RPS6KA3: variants seen among roughly 807,000 people sequenced by gnomAD.
RPS6KA3 encodes ribosomal protein S6 kinase A3, also known as ribosomal protein S6 kinase alpha-3.
In RPS6KA3, 4 loss-of-function variants were observed where a neutral mutation model predicts 67.2. That is an observed-to-expected ratio of 0.06 (90% confidence interval 0.03 to 0.14). RPS6KA3 has a LOEUF of 0.14. RPS6KA3 is among the 10% of genes least tolerant of loss of function. RPS6KA3 has a pLI of 1.00. For synonymous variants in RPS6KA3, 182 were observed against 183.7 expected, an observed-to-expected ratio of 0.99 and a Z score of 0.07; for missense variants, 204 against 559.0, an observed-to-expected ratio of 0.36 and a Z score of 6.40.
intron 2 of RPS6KA3, 125 bp from the exon 3 acceptor site, chrX:20,209,529 T>C (rs2068656705): frequency 2.1e-6 from 1 of 470,862 alleles, no homozygotes. Context: ...TTTCTAAACA[T>C]ATTAGAAATC....
chrX:20,254,626 T>C (rs922247337), intron 1 of RPS6KA3, among the ~76,000 whole-genome samples: 4 of 112,277 alleles, frequency 3.6e-5, no homozygotes, highest in African/African-American at 1.3e-4. Context: ...GAAATACATA[T>C]ACAAGGAACT....
intron 2 of RPS6KA3, among the ~76,000 whole-genome samples, chrX:20,233,462 G>T (rs1002671746): frequency 3.6e-5 from 4 of 111,215 alleles, no homozygotes; most frequent in African/African-American, 6.6e-5. Context: ...GATCTGGCTG[G>T]GCATGGCGGC....
At chrX:20,197,704 A>T (rs1336556240) in intron 4 of RPS6KA3, among the ~76,000 whole-genome samples, 1 of 111,868 alleles carries the variant, frequency 8.9e-6, no homozygotes, top group African/African-American at 3.2e-5. Flanking sequence ...TCATAATTCT[A>T]ATCTCGTTTC....
At chrX:20,188,407 AT>A in intron 8 of RPS6KA3, 89 bp downstream of exon 8, 2 of 525,352 alleles carry the variant, frequency 3.8e-6, no homozygotes, top group Middle Eastern at 1.1e-3. Flanking sequence ...AATACAGTGT[AT>A]TACTCAATAT....
At chrX:20,197,803 G>A (rs1224719095) in intron 4 of RPS6KA3, among the ~76,000 whole-genome samples, 1 of 111,728 alleles carries the variant, frequency 9.0e-6, no homozygotes, top group Non-Finnish European at 1.9e-5. Flanking sequence ...AAGAAGGCAT[G>A]TTTTATATAG....
intron 7 of RPS6KA3, among the ~76,000 whole-genome samples, chrX:20,189,059 T>C (rs750340046): frequency 2.7e-5 from 3 of 112,220 alleles, no homozygotes; most frequent in Non-Finnish European, 5.6e-5. Flanking sequence ...CTCCCTAAGG[T>C]GTGAGCCACT....
intron 17 of RPS6KA3, among the ~76,000 whole-genome samples, chrX:20,167,021 T>C (rs1391906323): frequency 1.8e-5 from 2 of 110,925 alleles, no homozygotes; most frequent in African/African-American, 6.5e-5. Context: ...CCCGGCCGCC[T>C]TGTTTTAAAA....
intron 7 of RPS6KA3, among the ~76,000 whole-genome samples, chrX:20,190,214 T>C (rs1278506714): frequency 1.8e-5 from 2 of 111,983 alleles, no homozygotes; most frequent in African/African-American, 3.2e-5. Flanking sequence ...TCACTCTCAA[T>C]AAACAACATT....
intron 4 of RPS6KA3, among the ~76,000 whole-genome samples, chrX:20,198,723 G>A (rs1279283334): frequency 8.9e-6 from 1 of 112,088 alleles, no homozygotes. Context: ...TTGCAAAGTT[G>A]AGACCTTATA....
chrX:20,159,018 C>G (rs1340631794), intron 20 of RPS6KA3, among the ~76,000 whole-genome samples: 2 of 112,369 alleles, frequency 1.8e-5, no homozygotes, highest in East Asian at 5.5e-4. Flanking sequence ...AAAACTACTT[C>G]TTTTGTATTC....
chrX:20,191,013 C>T (rs1413185605), intron 7 of RPS6KA3, among the ~76,000 whole-genome samples: 1 of 110,656 alleles, frequency 9.0e-6, no homozygotes, highest in Non-Finnish European at 1.9e-5. Context: ...AATGCTATCC[C>T]TCCCCTAGCC....
At chrX:20,241,202 T>C (rs2069541922) in intron 1 of RPS6KA3, among the ~76,000 whole-genome samples, 1 of 109,872 alleles carries the variant, frequency 9.1e-6, no homozygotes, top group African/African-American at 3.3e-5. Flanking sequence ...CTTTTTTTTT[T>C]CCTGGTCCTG....
At position 20,209,809 on chromosome X, in the gene RPS6KA3, G is replaced by C. The variant is rs559781248; in HGVS notation, c.127-405C>G. On this transcript the variant is annotated intron_variant, in intron 2 of 21. Transcript: ENST00000379565. ...ATAATCTGCTGTGCTCTGGTGTATG[G>C]TTATGCTACGCAGAACTAATGCTAT... 1.4e-4 allele frequency among the ~76,000 whole-genome samples: 16 copies of C among 112,187 alleles called. No homozygotes were observed. The South Asian group carries it at 5.5e-3, about 39-fold the overall frequency.
intron 2 of RPS6KA3, among the ~76,000 whole-genome samples, chrX:20,229,174 GA>G (rs1433885628): frequency 9.1e-6 from 1 of 110,310 alleles, no homozygotes; most frequent in Non-Finnish European, 1.9e-5. Flanking sequence ...TTTGGGTGAA[GA>G]GGTGTCACTA....
chrX:20,245,568 T>C lies in RPS6KA3; in HGVS notation c.70-10754A>G, dbSNP rs182215397. Among the ~76,000 whole-genome samples, 3 of 112,044 alleles carry C rather than the reference T, an allele frequency of 2.7e-5. No homozygotes were observed. In the East Asian group the frequency reaches 8.3e-4, roughly 31 times the overall value. ...GATCTATTATTTTACTAGAGAAAAT[T>C]AGTAAAGTATCAATTAAAAAAATTG... On this transcript the variant is annotated intron_variant, in intron 1 of 21. Coordinates refer to ENST00000379565, the MANE Select transcript of RPS6KA3 (RefSeq NM_004586.3).
At chrX:20,164,043 T>C (rs1305482121) in intron 18 of RPS6KA3, among the ~76,000 whole-genome samples, 3 of 111,363 alleles carry the variant, frequency 2.7e-5, no homozygotes, top group African/African-American at 9.8e-5. Context: ...CCCAGCTACC[T>C]GGAAGGCTGA....
chrX:20,253,048 A>G (rs1011229017), intron 1 of RPS6KA3, among the ~76,000 whole-genome samples: 2 of 110,860 alleles, frequency 1.8e-5, no homozygotes, highest in African/African-American at 6.6e-5. Context: ...TGGCAAGAGC[A>G]TAACTTCCTT....
chrX:20,156,054 T>A (rs1169736437), intron 21 of RPS6KA3, 55 bp downstream of exon 21: 9 of 1,162,909 alleles, frequency 7.7e-6, no homozygotes, highest in Non-Finnish European at 8.2e-6. Context: ...ACAGGGCTTC[T>A]TGAAGTCTCT....
intron 10 of RPS6KA3, among the ~76,000 whole-genome samples, chrX:20,184,392 CTTTT>C (rs2067921968): frequency 9.9e-6 from 1 of 101,501 alleles, no homozygotes; most frequent in Non-Finnish European, 2.0e-5. Flanking sequence ...GTTCGCATTA[CTTTT>C]CTTTTTTTTT....
Sources: allele counts gnomAD v4.1 joint callset (sites outside exome capture counted in the v4.1 genomes callset), GRCh38; gene constraint gnomAD v4.1.1; transcripts MANE v1.5; gene names NCBI Gene and HGNC (gene_info 2026-07-23, HGNC 2026-07-21).